Variants in EPHX2 observed in about 807,000 individuals in gnomAD.
EPHX2 encodes epoxide hydrolase 2, also known as bifunctional epoxide hydrolase 2.
A neutral mutation model predicts 78.7 loss-of-function variants in EPHX2; 74 were observed. The ratio of observed to expected loss-of-function variants is 0.94; its 90% CI spans 0.78 to 1.14. EPHX2 has a LOEUF of 1.14. Ranked by LOEUF, EPHX2 falls within the 50% of genes most tolerant of loss-of-function variation. The pLI, the probability that EPHX2 is intolerant of heterozygous loss-of-function variation, is 0.00. For missense variants in EPHX2, 715 were observed against 702.5 expected (o/e 1.02, Z -0.20); for synonymous variants, 251 against 255.2 (o/e 0.98, Z 0.16).
chr8:27,498,696 T>C (rs747895177), intron 1 of EPHX2, among the ~76,000 whole-genome samples: 38 of 152,276 alleles, frequency 2.5e-4, no homozygotes, highest in Non-Finnish European at 5.0e-4. Flanking sequence ...AGATGCTCAA[T>C]AGGATTGTTA....
Position 27,544,553 on chromosome 8 carries a change from T to G in EPHX2, c.*31T>G. On this transcript the variant is annotated 3_prime_UTR_variant, in exon 19 of 19. Coordinates refer to ENST00000521400, the MANE Select transcript of EPHX2 (RefSeq NM_001979.6). ...AGCGTGTGCCCACGCTCAGCAGGTG[T>G]GCCATCCTTCCACCTGCTGGGGCAC... is the stretch of plus-strand genomic sequence containing the variant. 1 of 1,610,080 alleles carries G rather than the reference T, an allele frequency of 6.2e-7. No individual in the cohort carries two copies. Among genetic ancestry groups the G allele is most frequent in the Non-Finnish European group, 8.5e-7 (1 of 1,177,392 alleles).
chr8:27,544,674 A>G lies in EPHX2; in HGVS notation c.*152A>G. On this transcript the variant is annotated 3_prime_UTR_variant, in exon 19 of 19. Coordinates refer to ENST00000521400, the MANE Select transcript of EPHX2 (RefSeq NM_001979.6). ...CAGAAAAAAAAGATTTTCTTTACAT[A>G]AAGTGAATCAAATTTGACATTATTT... 1.4e-6 allele frequency: 1 copy of G among 714,604 alleles called. No individual in the cohort carries two copies. Among genetic ancestry groups the G allele is most frequent in the Non-Finnish European group, 2.3e-6 (1 of 428,288 alleles). The allele number at this position is 714,604 out of a possible 1,614,324, so 44.3% of individuals were successfully genotyped here.
At chr8:27,547,494 T>C (rs1815595183), downstream of EPHX2, among the ~76,000 whole-genome samples, 1 of 152,250 alleles carries the variant, frequency 6.6e-6, no homozygotes, top group African/African-American at 2.4e-5. Flanking sequence ...TTGATACATA[T>C]AATGTGTAGC....
At chr8:27,508,804 T>G (rs977871493) in intron 5 of EPHX2, among the ~76,000 whole-genome samples, 1 of 152,056 alleles carries the variant, frequency 6.6e-6, no homozygotes, top group African/African-American at 2.4e-5. Context: ...TTCAGTGATG[T>G]TAAGAAAATG....
intron 2 of EPHX2, 83 bp downstream of exon 2, chr8:27,501,093 T>C (rs1813752372): frequency 8.0e-7 from 1 of 1,250,044 alleles, no homozygotes; most frequent in Non-Finnish European, 1.1e-6. Flanking sequence ...GGGCCCACCA[T>C]AATAGAAAAC....
At chr8:27,519,646 G>T (rs28729503) in intron 9 of EPHX2, among the ~76,000 whole-genome samples, 137 of 152,352 alleles carry the variant, frequency 9.0e-4, no homozygotes, top group African/African-American at 3.2e-3. Context: ...ACTGATGAAC[G>T]ATGGACGGCT....
At position 27,491,151 on chromosome 8, in the gene EPHX2, C is replaced by T. The variant is rs1813355379; in HGVS notation, c.-58C>T. 2.0e-6 allele frequency: 3 copies of T among 1,502,276 alleles called. No individual in the cohort carries two copies. The highest frequency in any genetic ancestry group is 1.2e-5 in the South Asian group (1 of 81,914). 93.1% of individuals were successfully genotyped at this position (1,502,276 alleles called of 1,614,324 possible). A position where few individuals can be genotyped will look rare whatever the true frequency, so the allele number is the denominator to read the frequency against. Reference sequence around the variant, plus strand: ...AGCTGGGCGGGTCATGCGCCCTGGCCTTCGCGCATCTCCCAGGTTAGCTGC... The same window carrying T: ...AGCTGGGCGGGTCATGCGCCCTGGCTTTCGCGCATCTCCCAGGTTAGCTGC... On this transcript the variant is annotated 5_prime_UTR_variant, in exon 1 of 19. Coordinates refer to ENST00000521400, the MANE Select transcript of EPHX2 (RefSeq NM_001979.6).
intron 8 of EPHX2, among the ~76,000 whole-genome samples, chr8:27,516,672 G>T (rs1439437962): frequency 6.6e-6 from 1 of 152,164 alleles, no homozygotes; most frequent in East Asian, 1.9e-4. Flanking sequence ...GACATAGAAT[G>T]TACCATCCAT....
chr8:27,514,120 C>T (rs1226465313), intron 6 of EPHX2, among the ~76,000 whole-genome samples: 2 of 152,070 alleles, frequency 1.3e-5, no homozygotes, highest in Non-Finnish European at 2.9e-5. Context: ...GAGTTCGAGA[C>T]CAGCCTGGGC....
rs1267100311 is a variant in EPHX2 at position 27,522,479 on chromosome 8, C to T, written c.1029C>T (p.Tyr343=). The T allele has an allele frequency of 6.2e-7, 1 of 1,614,114 alleles. No individual in the cohort carries two copies. The highest frequency in any genetic ancestry group is 1.7e-5 in the Admixed American group (1 of 60,022). ...GHDWGGMLVW[Y]MALFYPERVR... ...ACTGGGGTGGCATGCTGGTGTGGTA[C>T]ATGGCTCTCTTCTACCCCGAGAGAG... Residue 343 remains tyrosine, a synonymous_variant, in exon 11 of 19, where the codon TAC becomes TAT. Coordinates refer to ENST00000521400, the MANE Select transcript of EPHX2 (RefSeq NM_001979.6).
chr8:27,533,101 C>A lies in EPHX2; in HGVS notation c.1171-3683C>A, dbSNP rs546341987. Among the ~76,000 whole-genome samples, 21 of 152,218 alleles carry A rather than the reference C, an allele frequency of 1.4e-4. 1 individual carries two copies. In the South Asian group the frequency reaches 4.4e-3, roughly 32 times the overall value. On this transcript the variant is annotated intron_variant, in intron 12 of 18. Transcript: ENST00000521400. ...CTGCACTCCAGCCTGGGCAACAGAG[C>A]AAGACCCTGTCTCTAAACGAATAAT...
chr8:27,491,195 G>C lies in EPHX2; in HGVS notation c.-14G>C. On this transcript the variant is annotated 5_prime_UTR_variant, in exon 1 of 19. Transcript: ENST00000521400. Reference sequence around the variant, plus strand: ...TAGCTGCGTGTCCGGGTGCTAGGCTGCAGACCCGCCGCCATGACGCTGCGC... The same window carrying C: ...TAGCTGCGTGTCCGGGTGCTAGGCTCCAGACCCGCCGCCATGACGCTGCGC... The C allele has an allele frequency of 6.4e-7, 1 of 1,568,342 alleles. No homozygotes were observed. The highest frequency in any genetic ancestry group is 8.6e-7 in the Non-Finnish European group (1 of 1,165,840).
chr8:27,526,167 C>T (rs561248157), intron 12 of EPHX2, among the ~76,000 whole-genome samples: 30 of 152,348 alleles, frequency 2.0e-4, no homozygotes, highest in East Asian at 7.7e-4. Context: ...GCGTCTCCCA[C>T]GTTCCTCTCC....
At chr8:27,512,023 G>A in intron 6 of EPHX2, 113 bp downstream of exon 6, 2 of 1,050,474 alleles carry the variant, frequency 1.9e-6, no homozygotes, top group South Asian at 2.6e-5. Flanking sequence ...ACCTGAGCCT[G>A]GGAAGTGGAG....
At position 27,496,243 on chromosome 8, in the gene EPHX2, C is replaced by A. The variant is rs1813568236; in HGVS notation, c.102-4683C>A. Among the ~76,000 whole-genome samples the A allele has an allele frequency of 2.0e-5, 3 of 152,302 alleles. No individual in the cohort carries two copies. The South Asian group carries it at 6.2e-4, about 32-fold the overall frequency. ...CAAGAGAGCTAGAGTAGCCTGCTGG[C>A]ATGAGGCTTTTGAACTGGTAACCAT... On this transcript the variant is annotated intron_variant, in intron 1 of 18. Transcript: ENST00000521400.
intron 12 of EPHX2, among the ~76,000 whole-genome samples, chr8:27,525,887 C>T (rs772489247): frequency 1.3e-5 from 2 of 152,188 alleles, no homozygotes; most frequent in Non-Finnish European, 2.9e-5. Context: ...GGTATCAGTA[C>T]ACGTGCCACA....
intron 14 of EPHX2, 38 bp from the exon 15 acceptor site, chr8:27,540,516 C>T: frequency 6.3e-7 from 1 of 1,594,696 alleles, no homozygotes; most frequent in South Asian, 1.1e-5. Flanking sequence ...GACACCTGGC[C>T]CGGGGATGGG....
At chr8:27,548,186 C>A (rs187618785), downstream of EPHX2, among the ~76,000 whole-genome samples, 2 of 152,304 alleles carry the variant, frequency 1.3e-5, no homozygotes, top group East Asian at 1.9e-4. Context: ...CTAGACAGGA[C>A]AAAAAGCTAT....
intron 6 of EPHX2, 86 bp from the exon 7 acceptor site, chr8:27,515,632 G>A (rs1814418355): frequency 4.6e-6 from 5 of 1,093,880 alleles, no homozygotes; most frequent in Non-Finnish European, 6.8e-6. Flanking sequence ...GGACTGAAAC[G>A]GCCCTGGCAT....
Sources: allele counts gnomAD v4.1 joint callset (sites outside exome capture counted in the v4.1 genomes callset), GRCh38; gene constraint gnomAD v4.1.1; transcripts MANE v1.5; gene names NCBI Gene and HGNC (gene_info 2026-07-23, HGNC 2026-07-21).